Variants in ZNF804A observed in about 807,000 individuals in gnomAD.
ZNF804A encodes zinc finger protein 804A.
In ZNF804A, 2 loss-of-function variants were observed where a neutral mutation model predicts 16.5. The ratio of observed to expected loss-of-function variants is 0.12; its 90% CI spans 0.05 to 0.38. ZNF804A has a LOEUF of 0.38. ZNF804A is among the 10% of genes least tolerant of loss of function. ZNF804A has a pLI of 0.99. For missense variants in ZNF804A, 1,473 were observed against 1,390.7 expected (o/e 1.06, Z -0.94); for synonymous variants, 534 against 489.6 (o/e 1.09, Z -1.20).
chr2:184,598,699 G>A lies in ZNF804A; in HGVS notation c.-261G>A, dbSNP rs1373171464. On this transcript the variant is annotated 5_prime_UTR_variant, in exon 1 of 4. Coordinates refer to ENST00000302277, the MANE Select transcript of ZNF804A (RefSeq NM_194250.2). ...CTCCTAGGCTGGAATCCTCCCGCGG[G>A]GCTCGTCGTCCCGACGCGAATCTGA... The A allele has an allele frequency of 7.3e-6, 2 of 273,098 alleles. No homozygotes were observed. Among genetic ancestry groups the A allele is most frequent in the East Asian group, 6.4e-5 (1 of 15,638 alleles). 16.9% of individuals were successfully genotyped at this position (273,098 alleles called of 1,614,324 possible).
intron 1 of ZNF804A, among the ~76,000 whole-genome samples, chr2:184,813,691 G>C (rs1371240415): frequency 6.6e-6 from 1 of 151,910 alleles, no homozygotes; most frequent in African/African-American, 2.4e-5. Flanking sequence ...ATCTGCCCAG[G>C]GTTTTCAAAG....
At chr2:184,643,586 T>C (rs1691828482) in intron 1 of ZNF804A, among the ~76,000 whole-genome samples, 1 of 151,916 alleles carries the variant, frequency 6.6e-6, no homozygotes, top group African/African-American at 2.4e-5. Flanking sequence ...GCTTTTCCCA[T>C]AGTTAAGAAT....
chr2:184,644,975 C>A lies in ZNF804A; in HGVS notation c.111+45905C>A, dbSNP rs7608917. Among the ~76,000 whole-genome samples, 570 of 152,000 alleles carry A rather than the reference C, an allele frequency of 3.7e-3. 3 individuals are homozygous for A. Among genetic ancestry groups the A allele is most frequent in the African/African-American group, 0.013 (544 of 41,528 alleles). ...AAGGCTAATAGTAAGTTTACATTTC[C>A]TTTTTTCATATATTTGGCTTCATAA... is the stretch of plus-strand genomic sequence containing the variant. On this transcript the variant is annotated intron_variant, in intron 1 of 3. Transcript: ENST00000302277.
At chr2:184,620,769 C>A (rs571232228) in intron 1 of ZNF804A, among the ~76,000 whole-genome samples, 1 of 151,720 alleles carries the variant, frequency 6.6e-6, no homozygotes, top group South Asian at 2.1e-4. Flanking sequence ...AGAGAAGTGT[C>A]ACAATTATTG....
intron 1 of ZNF804A, among the ~76,000 whole-genome samples, chr2:184,775,345 T>C (rs1246621405): frequency 6.6e-6 from 1 of 151,682 alleles, no homozygotes; most frequent in African/African-American, 2.4e-5. Context: ...GAAACCACAA[T>C]AACAACTAAG....
At chr2:184,607,386 A>G (rs1014959) in intron 1 of ZNF804A, among the ~76,000 whole-genome samples, 44,042 of 152,100 alleles carry the variant, frequency 0.29, 6,747 homozygotes, top group African/African-American at 0.38. Context: ...AAAACTTACA[A>G]TCATGGCAGA....
intron 1 of ZNF804A, among the ~76,000 whole-genome samples, chr2:184,783,040 C>G (rs573006533): frequency 1.3e-5 from 2 of 149,200 alleles, no homozygotes; most frequent in Non-Finnish European, 3.0e-5. Flanking sequence ...ATTTTTTCCT[C>G]CACAGTGTGA....
intron 1 of ZNF804A, among the ~76,000 whole-genome samples, chr2:184,818,175 A>G (rs1695011856): frequency 6.6e-6 from 1 of 152,076 alleles, no homozygotes; most frequent in Non-Finnish European, 1.5e-5. Flanking sequence ...CAGGTAACCT[A>G]CAAAGGGAAT....
At chr2:184,847,002 A>AAT (rs1695529241) in intron 1 of ZNF804A, among the ~76,000 whole-genome samples, 1 of 152,152 alleles carries the variant, frequency 6.6e-6, no homozygotes. Flanking sequence ...TTATCAGCTA[A>AAT]ATAATCACAG....
At chr2:184,775,400 A>T (rs1295222681) in intron 1 of ZNF804A, among the ~76,000 whole-genome samples, 4 of 151,692 alleles carry the variant, frequency 2.6e-5, no homozygotes, top group African/African-American at 4.8e-5. Context: ...GTCATTGTGA[A>T]GGAAAGTTTT....
intron 2 of ZNF804A, among the ~76,000 whole-genome samples, chr2:184,903,097 G>A (rs887676204): frequency 3.3e-5 from 5 of 151,974 alleles, no homozygotes; most frequent in Admixed American, 6.6e-5. Context: ...ACAGTAGAAG[G>A]TTTGTTTCTC....
At chr2:184,692,225 G>A (rs891387081) in intron 1 of ZNF804A, among the ~76,000 whole-genome samples, 4 of 152,176 alleles carry the variant, frequency 2.6e-5, no homozygotes, top group African/African-American at 9.7e-5. Context: ...GCAGTTAATA[G>A]CTACAATACT....
intron 2 of ZNF804A, among the ~76,000 whole-genome samples, chr2:184,883,933 T>G (rs1453919997): frequency 6.6e-6 from 1 of 152,042 alleles, no homozygotes; most frequent in Non-Finnish European, 1.5e-5. Flanking sequence ...TTTCACATAG[T>G]ACTAGAGGTA....
chr2:184,671,682 A>G (rs566252905), intron 1 of ZNF804A, among the ~76,000 whole-genome samples: 2 of 152,152 alleles, frequency 1.3e-5, no homozygotes, highest in Non-Finnish European at 2.9e-5. Context: ...AATTATTTTG[A>G]TATCCATATG....
chr2:184,782,467 C>T (rs1410420719), intron 1 of ZNF804A, among the ~76,000 whole-genome samples: 1 of 151,290 alleles, frequency 6.6e-6, no homozygotes, highest in Non-Finnish European at 1.5e-5. Flanking sequence ...ACAACAAAAA[C>T]ATGAAAAGAC....
At chr2:184,693,483 TC>T (rs1692766211) in intron 1 of ZNF804A, among the ~76,000 whole-genome samples, 2 of 152,308 alleles carry the variant, frequency 1.3e-5, no homozygotes, top group Middle Eastern at 6.8e-3. Context: ...TATATTGCAC[TC>T]ACATTTCTCC....
At chr2:184,839,278 A>G (rs1695399492) in intron 1 of ZNF804A, among the ~76,000 whole-genome samples, 1 of 152,076 alleles carries the variant, frequency 6.6e-6, no homozygotes, top group African/African-American at 2.4e-5. Context: ...ATAAATGTAT[A>G]TTATTATTTT....
At chr2:184,913,314 A>G (rs558968727) in intron 2 of ZNF804A, among the ~76,000 whole-genome samples, 2 of 152,270 alleles carry the variant, frequency 1.3e-5, no homozygotes, top group South Asian at 2.1e-4. Flanking sequence ...AAATACAATT[A>G]TACTGACTTT....
At chr2:184,764,965 A>G (rs552846867) in intron 1 of ZNF804A, among the ~76,000 whole-genome samples, 1 of 152,178 alleles carries the variant, frequency 6.6e-6, no homozygotes. Context: ...ACAAAAAAAA[A>G]CTATTTTTTT....
Sources: allele counts gnomAD v4.1 joint callset (sites outside exome capture counted in the v4.1 genomes callset), GRCh38; gene constraint gnomAD v4.1.1; transcripts MANE v1.5; gene names NCBI Gene and HGNC (gene_info 2026-07-23, HGNC 2026-07-21).